The following KIAA0319L variants were observed in gnomAD, a reference collection of about 807,000 sequenced individuals.
KIAA0319L encodes the protein KIAA0319 like.
In KIAA0319L, 55 loss-of-function variants were observed where a neutral mutation model predicts 120.1. The ratio of observed to expected loss-of-function variants is 0.46; its 90% CI spans 0.37 to 0.57. The LOEUF is 0.57. KIAA0319L is among the 20% of genes least tolerant of loss of function. The probability of loss-of-function intolerance (pLI) is 0.00; values close to 1 mark genes in which losing one functional copy is unlikely to be tolerated. For missense variants in KIAA0319L, 1,049 were observed against 1,255.3 expected, an observed-to-expected ratio of 0.84 and a Z score of 2.48; for synonymous variants, 398 against 471.9, an observed-to-expected ratio of 0.84 and a Z score of 2.03.
At chr1:35,492,292 G>A (rs1016122555) in intron 3 of KIAA0319L, among the ~76,000 whole-genome samples, 2 of 152,062 alleles carry the variant, frequency 1.3e-5, no homozygotes, top group Admixed American at 6.6e-5. Context: ...GAGGCAGGTG[G>A]ATCACAAGGT....
intron 3 of KIAA0319L, among the ~76,000 whole-genome samples, 179 bp from the exon 4 acceptor site, chr1:35,479,391 A>C (rs1299780711): frequency 6.6e-6 from 1 of 152,190 alleles, no homozygotes; most frequent in East Asian, 1.9e-4. Flanking sequence ...ATAAATCTTG[A>C]GTTTTTTTCC....
At chr1:35,534,848 G>A (rs1216822944) in intron 2 of KIAA0319L, among the ~76,000 whole-genome samples, 2 of 114,802 alleles carry the variant, frequency 1.7e-5, no homozygotes, top group East Asian at 5.2e-4. Flanking sequence ...GACAGAGCGA[G>A]ACTCCGTCTC....
intron 14 of KIAA0319L, 134 bp from the exon 15 acceptor site, chr1:35,450,139 C>G: frequency 1.8e-6 from 2 of 1,124,444 alleles, no homozygotes; most frequent in Non-Finnish European, 1.3e-6. Flanking sequence ...TGATACGGAA[C>G]AGCATTGCAG....
Position 35,462,349 on chromosome 1 carries a change from A to T in KIAA0319L, c.1294+272T>A, listed in dbSNP as rs111734935. ...TGAAAACCAGTGAGTTTCAACTAAA[A>T]TCATGCTAATTACATGCATAGTTTC... On this transcript the variant is annotated intron_variant, in intron 8 of 20. Transcript: ENST00000325722. Among the ~76,000 whole-genome samples the T allele has an allele frequency of 1.2e-4, 18 of 152,348 alleles. 2 individuals are homozygous for T. Among genetic ancestry groups the T allele is most frequent in the African/African-American group, 3.8e-4 (16 of 41,578 alleles).
chr1:35,465,808 T>C (rs1643219466), intron 7 of KIAA0319L, among the ~76,000 whole-genome samples: 1 of 152,184 alleles, frequency 6.6e-6, no homozygotes, highest in Admixed American at 6.5e-5. Flanking sequence ...GGCAGGTCTT[T>C]CCTATGCTGT....
intron 2 of KIAA0319L, among the ~76,000 whole-genome samples, chr1:35,553,690 A>C (rs1448409530): frequency 6.9e-6 from 1 of 145,806 alleles, no homozygotes; most frequent in Non-Finnish European, 1.5e-5. Flanking sequence ...CTATGAAAGC[A>C]CAATATCAAC....
At chr1:35,468,138 C>A (rs568520439) in intron 6 of KIAA0319L, among the ~76,000 whole-genome samples, 3 of 151,710 alleles carry the variant, frequency 2.0e-5, no homozygotes, top group Non-Finnish European at 4.4e-5. Context: ...ATCTTCCAGG[C>A]AAATGTTTTT....
chr1:35,485,338 G>T (rs1159155270), intron 3 of KIAA0319L, among the ~76,000 whole-genome samples: 1 of 152,076 alleles, frequency 6.6e-6, no homozygotes, highest in Non-Finnish European at 1.5e-5. Context: ...TTCTAGGGCA[G>T]CCTATGCCTG....
At chr1:35,519,315 AAAAAT>A (rs1160719095) in intron 2 of KIAA0319L, among the ~76,000 whole-genome samples, 5 of 152,202 alleles carry the variant, frequency 3.3e-5, no homozygotes, top group African/African-American at 7.2e-5. Flanking sequence ...TTTGTTTAAA[AAAAAT>A]AAAATAAAAG....
intron 4 of KIAA0319L, 37 bp downstream of exon 4, chr1:35,478,929 A>G: frequency 6.2e-7 from 1 of 1,603,928 alleles, no homozygotes; most frequent in Non-Finnish European, 8.5e-7. Flanking sequence ...CAAATGTTCT[A>G]CTTTTTCCTT....
intron 20 of KIAA0319L, among the ~76,000 whole-genome samples, chr1:35,436,142 T>C (rs1345997643): frequency 6.6e-6 from 1 of 152,158 alleles, no homozygotes; most frequent in East Asian, 1.9e-4. Context: ...CTCCCTCACA[T>C]ACTGAAAGTG....
intron 17 of KIAA0319L, 33 bp from the exon 18 acceptor site, chr1:35,443,061 A>C: frequency 6.2e-7 from 1 of 1,613,798 alleles, no homozygotes; most frequent in Non-Finnish European, 8.5e-7. Flanking sequence ...GAAAGTCAAC[A>C]AGACTCAGCC....
intron 2 of KIAA0319L, among the ~76,000 whole-genome samples, chr1:35,535,127 A>G (rs570432333): frequency 2.0e-5 from 3 of 149,930 alleles, no homozygotes; most frequent in East Asian, 3.9e-4. Flanking sequence ...AAAAAAAAGA[A>G]TAACAGTACC....
At chr1:35,484,793 TATA>T (rs1644308270) in intron 3 of KIAA0319L, among the ~76,000 whole-genome samples, 7 of 61,178 alleles carry the variant, frequency 1.1e-4, no homozygotes, top group African/African-American at 3.1e-4. Flanking sequence ...TATATATATA[TATA>T]TATATATATA....
intron 19 of KIAA0319L, among the ~76,000 whole-genome samples, chr1:35,441,598 G>C (rs1209573785): frequency 6.6e-6 from 1 of 152,050 alleles, no homozygotes; most frequent in Non-Finnish European, 1.5e-5. Flanking sequence ...AGACAGTGAT[G>C]TACCTTTCCT....
chr1:35,483,940 T>C (rs1644268609), intron 3 of KIAA0319L, among the ~76,000 whole-genome samples: 1 of 152,180 alleles, frequency 6.6e-6, no homozygotes, highest in Non-Finnish European at 1.5e-5. Flanking sequence ...GCAACCTAAC[T>C]CTACTCTTCA....
intron 9 of KIAA0319L, among the ~76,000 whole-genome samples, chr1:35,459,399 G>A (rs1278161299): frequency 6.6e-6 from 1 of 152,090 alleles, no homozygotes; most frequent in Non-Finnish European, 1.5e-5. Context: ...AAGGTCAGGA[G>A]ATCAAGACCA....
intron 4 of KIAA0319L, among the ~76,000 whole-genome samples, chr1:35,476,023 C>T (rs1456558494): frequency 6.6e-6 from 1 of 152,224 alleles, no homozygotes; most frequent in African/African-American, 2.4e-5. Context: ...TGTCTCCTCT[C>T]CAAGAAATCT....
rs375532540 is a variant in KIAA0319L at position 35,485,295 on chromosome 1, G to T, written c.667-6083C>A. On this transcript the variant is annotated intron_variant, in intron 3 of 20. Coordinates refer to ENST00000325722, the MANE Select transcript of KIAA0319L (RefSeq NM_024874.5). Reference sequence around the variant, plus strand: ...TATGTTGTGACTGATGCTCTGCTCGGTTTTTTTTTCTTGTTTTTATTTTAG... The same window carrying T: ...TATGTTGTGACTGATGCTCTGCTCGTTTTTTTTTTCTTGTTTTTATTTTAG... Among the ~76,000 whole-genome samples the T allele has an allele frequency of 5.2e-4, 78 of 150,948 alleles. 1 individual carries two copies. Among genetic ancestry groups the T allele is most frequent in the African/African-American group, 1.8e-3 (76 of 41,126 alleles).
Sources: gnomAD v4.1 joint callset for allele counts (sites outside exome capture counted in the v4.1 genomes callset) on GRCh38, gnomAD v4.1.1 for gene constraint, MANE v1.5 for transcripts, NCBI Gene and HGNC (gene_info 2026-07-23, HGNC 2026-07-21) for gene names.